The following EPB41 variants were observed in gnomAD, a reference collection of about 807,000 sequenced individuals.
EPB41 encodes the protein protein 4.1.
In EPB41, 65 loss-of-function variants were observed where a neutral mutation model predicts 108.0. That is an observed-to-expected ratio of 0.60 (90% CI 0.49 to 0.74). EPB41 has a LOEUF of 0.74. Ranked by LOEUF, EPB41 falls within the 30% of genes least tolerant of loss-of-function variation. The pLI is 0.00. For synonymous variants in EPB41, 336 were observed against 358.9 expected (o/e 0.94, Z 0.72); for missense variants, 875 against 1,037.0 (o/e 0.84, Z 2.15).
At chr1:29,067,672 A>AG (rs988750589) in intron 16 of EPB41, among the ~76,000 whole-genome samples, 14 of 151,588 alleles carry the variant, frequency 9.2e-5, no homozygotes, top group Middle Eastern at 3.4e-3. Flanking sequence ...CTTAAAAAAA[A>AG]AAAAAAAAAA....
chr1:28,955,398 G>A (rs2094904878), intron 1 of EPB41, among the ~76,000 whole-genome samples: 1 of 151,816 alleles, frequency 6.6e-6, no homozygotes, highest in Non-Finnish European at 1.5e-5. Context: ...CTGGAGGGCA[G>A]TGGCGTGATC....
At chr1:28,914,998 A>G (rs966564280) in intron 1 of EPB41, among the ~76,000 whole-genome samples, 1 of 151,978 alleles carries the variant, frequency 6.6e-6, no homozygotes, top group Non-Finnish European at 1.5e-5. Flanking sequence ...CGCTGAGGAA[A>G]GGGGAAGGGG....
At position 28,987,729 on chromosome 1, in the gene EPB41, G is replaced by T; in HGVS notation, c.292G>T (p.Glu98Ter). 1.2e-6 allele frequency: 2 copies of T among 1,614,178 alleles called. No individual in the cohort carries two copies. Among genetic ancestry groups the T allele is most frequent in the Non-Finnish European group, 1.7e-6 (2 of 1,180,048 alleles). ...KRPKSQVSEEEGKEVESDKEK... is the reference protein window; with the variant it reads ...KRPKSQVSEE Reference sequence around the variant, plus strand: ...GCCCAAATCTCAGGTGTCCGAGGAAGAAGGCAAAGAAGTAGAGTCAGATAA... The same window carrying T: ...GCCCAAATCTCAGGTGTCCGAGGAATAAGGCAAAGAAGTAGAGTCAGATAA... Residue 98 changes from glutamate to a stop codon, truncating the protein, a stop_gained, in exon 2 of 21, where the codon GAA becomes TAA. Transcript: ENST00000343067. LOFTEE classifies it high-confidence loss of function.
intron 9 of EPB41, among the ~76,000 whole-genome samples, chr1:29,034,920 T>C (rs1354249328): frequency 1.3e-5 from 2 of 151,176 alleles, no homozygotes; most frequent in Non-Finnish European, 3.0e-5. Context: ...GTTAATCAGC[T>C]CAATTTAGCC....
At chr1:29,097,383 ACTG>A (rs1382442965) in intron 16 of EPB41, 1 of 206,518 alleles carries the variant, frequency 4.8e-6, no homozygotes, top group African/African-American at 2.3e-5. Context: ...TTCCATTGCC[ACTG>A]CTGTTTCATG....
intron 1 of EPB41, among the ~76,000 whole-genome samples, chr1:28,975,940 C>CAAAAA (rs775554564): frequency 4.3e-4 from 29 of 67,442 alleles, no homozygotes; most frequent in African/African-American, 1.0e-3. Context: ...GACTCCATCT[C>CAAAAA]AAAAAAAAAA....
chr1:29,066,440 A>C (rs1239401947), intron 16 of EPB41, among the ~76,000 whole-genome samples: 1 of 152,176 alleles, frequency 6.6e-6, no homozygotes, highest in Non-Finnish European at 1.5e-5. Context: ...AAAAAAAGAA[A>C]TCCTACATCT....
At chr1:28,970,272 C>T (rs1485961295) in intron 1 of EPB41, among the ~76,000 whole-genome samples, 1 of 152,058 alleles carries the variant, frequency 6.6e-6, no homozygotes, top group Non-Finnish European at 1.5e-5. Flanking sequence ...GTTTGTGATT[C>T]CCACTTGTAT....
chr1:28,924,512 A>G (rs1227377595), intron 1 of EPB41, among the ~76,000 whole-genome samples: 1 of 151,550 alleles, frequency 6.6e-6, no homozygotes, highest in South Asian at 2.1e-4. Context: ...TCTGGGTGAC[A>G]GAGCGAGACT....
At chr1:28,964,109 A>G (rs1163866823) in intron 1 of EPB41, among the ~76,000 whole-genome samples, 1 of 152,160 alleles carries the variant, frequency 6.6e-6, no homozygotes, top group Non-Finnish European at 1.5e-5. Context: ...CACACACATT[A>G]ACACATATTT....
At chr1:29,064,777 G>A (rs1251600857) in intron 15 of EPB41, among the ~76,000 whole-genome samples, 1 of 152,074 alleles carries the variant, frequency 6.6e-6, no homozygotes, top group Non-Finnish European at 1.5e-5. Context: ...ATACTTCACA[G>A]CTTCTAAGAA....
chr1:28,957,321 A>AT (rs1302440527), intron 1 of EPB41, among the ~76,000 whole-genome samples: 1 of 152,244 alleles, frequency 6.6e-6, no homozygotes, highest in Non-Finnish European at 1.5e-5. Context: ...TAGATAATTC[A>AT]TTTTTCCTCC....
intron 19 of EPB41, among the ~76,000 whole-genome samples, chr1:29,114,841 T>C (rs1361801104): frequency 6.6e-6 from 1 of 152,114 alleles, no homozygotes; most frequent in East Asian, 1.9e-4. Context: ...AATTATAACT[T>C]AATAGAGTTT....
In EPB41 at chr1:29,109,383, T is replaced by G. The variant is rs1668397320; in HGVS notation, c.2361T>G (p.Ala787=). The change falls in exon 18 of 21, where the codon GCT becomes GCG. Residue 787 remains alanine (A), a synonymous_variant. Transcript: ENST00000343067. ...TGGACCCAGGAGTCTTGCTGACAGC[T>G]CAAACTATCACATCTGAGACCCCAA... is the stretch of plus-strand genomic sequence containing the variant. ...GDLDPGVLLT[A]QTITSETPSS... The G allele has an allele frequency of 6.2e-7, 1 of 1,613,886 alleles. No individual in the cohort carries two copies. The highest frequency in any genetic ancestry group is 1.3e-5 in the African/African-American group (1 of 74,862).
At chr1:28,952,046 T>C (rs1018422795) in intron 1 of EPB41, among the ~76,000 whole-genome samples, 1 of 152,118 alleles carries the variant, frequency 6.6e-6, no homozygotes, top group African/African-American at 2.4e-5. Flanking sequence ...GTCTAATTCA[T>C]ATTGGGGATA....
At chr1:28,917,268 A>ATGTG (rs1284406404) in intron 1 of EPB41, among the ~76,000 whole-genome samples, 1 of 147,206 alleles carries the variant, frequency 6.8e-6, no homozygotes, top group African/African-American at 2.6e-5. Flanking sequence ...GTGTGTGTGT[A>ATGTG]TGTGTGTGTG....
chr1:28,998,443 G>C (rs1235828922), intron 4 of EPB41, among the ~76,000 whole-genome samples: 1 of 152,156 alleles, frequency 6.6e-6, no homozygotes, highest in African/African-American at 2.4e-5. Flanking sequence ...AGCCATTTAA[G>C]TTCATCCTTT....
intron 1 of EPB41, among the ~76,000 whole-genome samples, chr1:28,982,039 TC>T (rs1205379292): frequency 6.6e-6 from 1 of 151,828 alleles, no homozygotes; most frequent in Non-Finnish European, 1.5e-5. Context: ...ATGCTATCCC[TC>T]CCCCCTTCCC....
chr1:28,979,427 C>A (rs1015167863), intron 1 of EPB41, among the ~76,000 whole-genome samples: 1 of 151,412 alleles, frequency 6.6e-6, no homozygotes, highest in African/African-American at 2.4e-5. Context: ...CAATTGTGTA[C>A]GACTACTGCC....
Sources: gnomAD v4.1 joint callset for allele counts (sites outside exome capture counted in the v4.1 genomes callset) on GRCh38, gnomAD v4.1.1 for gene constraint, MANE v1.5 for transcripts, NCBI Gene and HGNC (gene_info 2026-07-23, HGNC 2026-07-21) for gene names.